Variants in CCR2 observed in about 807,000 individuals in gnomAD.
CCR2 encodes C-C chemokine receptor type 2.
For missense variants in CCR2, 408 were observed against 440.0 expected, an observed-to-expected ratio of 0.93 and a Z score of 0.65; for synonymous variants, 183 against 177.1, an observed-to-expected ratio of 1.03 and a Z score of -0.27.
Position 46,358,858 on chromosome 3 carries a change from C to T in CCR2, c.*248C>T, listed in dbSNP as rs1701501495. On this transcript the variant is annotated 3_prime_UTR_variant, in exon 2 of 2. Coordinates refer to ENST00000445132, the MANE Select transcript of CCR2 (RefSeq NM_001123396.4). Reference sequence around the variant, plus strand: ...TCATCTCAGCTCCTGAAAAATGCCTCATTACCTTGTGCTAATCCTCTTTTT... The same window carrying T: ...TCATCTCAGCTCCTGAAAAATGCCTTATTACCTTGTGCTAATCCTCTTTTT... 1 of 1,265,024 alleles carries T rather than the reference C, an allele frequency of 7.9e-7. No individual in the cohort carries two copies. Among genetic ancestry groups the T allele is most frequent in the South Asian group, 2.3e-5 (1 of 42,780 alleles). The allele number at this position is 1,265,024 out of a possible 1,614,324, so 78.4% of individuals were successfully genotyped here.
intron 1 of CCR2, 47 bp downstream of exon 1, chr3:46,354,224 A>T (rs1163110039): frequency 6.6e-6 from 1 of 152,170 alleles, no homozygotes; most frequent in African/African-American, 2.4e-5. Flanking sequence ...CATAGGCTCA[A>T]CGCACCTCAA....
chr3:46,355,443 C>T (rs1481101121), intron 1 of CCR2, among the ~76,000 whole-genome samples: 6 of 152,054 alleles, frequency 3.9e-5, no homozygotes, highest in Admixed American at 1.3e-4. Context: ...GGAGGTGAGG[C>T]TGAAAAGAGG....
Position 46,359,888 on chromosome 3 carries a change from G to T in CCR2, c.*1278G>T, listed in dbSNP as rs1280991426. 2 of 1,597,686 alleles carry T rather than the reference G, an allele frequency of 1.3e-6. No individual in the cohort carries two copies. The highest frequency in any genetic ancestry group is 8.5e-7 in the Non-Finnish European group (1 of 1,169,836). Reference sequence around the variant, plus strand: ...ACAGAAATGACAGATCTCTGCTTTGGAAATCACACGTCTGGCTTCACAGAT... The same window carrying T: ...ACAGAAATGACAGATCTCTGCTTTGTAAATCACACGTCTGGCTTCACAGAT... On this transcript the variant is annotated 3_prime_UTR_variant, in exon 2 of 2. Coordinates refer to ENST00000445132, the MANE Select transcript of CCR2 (RefSeq NM_001123396.4).
rs765062427 is a variant in CCR2 at position 46,358,634 on chromosome 3, T to C, written c.*24T>C. On this transcript the variant is annotated 3_prime_UTR_variant, in exon 2 of 2. Coordinates refer to ENST00000445132, the MANE Select transcript of CCR2 (RefSeq NM_001123396.4). ...AAAACGAGGAGCAGTTTGATTGTTG[T>C]TTATAAAGGGAGATAACAATCTGTA... is the stretch of plus-strand genomic sequence containing the variant. 4 of 1,548,358 alleles carry C rather than the reference T, an allele frequency of 2.6e-6. No individual in the cohort carries two copies. In the African/African-American group the frequency reaches 5.5e-5, roughly 21 times the overall value.
rs761283584 is a variant in CCR2 at position 46,358,554 on chromosome 3, G to A, written c.1027G>A (p.Val343Met). ...PVFYRETVDGVTSTNTPSTGE... is the reference protein window; with the variant it reads ...PVFYRETVDGMTSTNTPSTGE... ...TTTCTACAGGGAGACAGTGGATGGA[G>A]TGACTTCAACAAACACGCCTTCCAC... The change falls in exon 2 of 2, where the codon GTG (valine) becomes ATG (methionine). Residue 343 changes from valine (V) to methionine (M), a missense_variant. Coordinates refer to ENST00000445132, the MANE Select transcript of CCR2 (RefSeq NM_001123396.4). 4.3e-6 allele frequency: 7 copies of A among 1,609,468 alleles called. No homozygotes were observed. Among genetic ancestry groups the A allele is most frequent in the Admixed American group, 1.7e-5 (1 of 59,240 alleles).
Position 46,358,377 on chromosome 3 carries a change from G to A in CCR2, c.850G>A (p.Asp284Asn). Residue 284 changes from aspartate (D) to asparagine (N), a missense_variant, in exon 2 of 2, where the codon GAC becomes AAC. Transcript: ENST00000445132. ...LSNCESTSQL[D>N]QATQVTETLG... The stretch of plus-strand genomic sequence containing the variant: ...TAACTGTGAAAGCACCAGTCAACTG[G>A]ACCAAGCCACGCAGGTGACAGAGAC... The A allele has an allele frequency of 6.2e-7, 1 of 1,614,078 alleles. No individual in the cohort carries two copies. The highest frequency in any genetic ancestry group is 8.5e-7 in the Non-Finnish European group (1 of 1,180,008).
rs1799864 is a variant in CCR2 at position 46,357,717 on chromosome 3, G to A, written c.190G>A (p.Val64Ile). The change falls in exon 2 of 2, where the codon GTC (valine) becomes ATC (isoleucine). Residue 64 changes from valine to isoleucine, a missense_variant. Physicochemically the swap from Val to Ile is conservative, Grantham distance 29. Transcript: ENST00000445132. Reference sequence around the variant, plus strand: ...TGGTTTTGTGGGCAACATGCTGGTCGTCCTCATCTTAATAAACTGCAAAAA... The same window carrying A: ...TGGTTTTGTGGGCAACATGCTGGTCATCCTCATCTTAATAAACTGCAAAAA... ...IFGFVGNMLVVLILINCKKLK... is the reference protein window; with the variant it reads ...IFGFVGNMLVILILINCKKLK... The A allele has an allele frequency of 0.097, 156,284 of 1,613,940 alleles. 9,257 individuals carry two copies. Among genetic ancestry groups the A allele is most frequent in the East Asian group, 0.24 (10,775 of 44,878 alleles).
rs761015332 is a variant in CCR2, at chr3:46,357,657, C to G, written c.130C>G (p.Leu44Val). 11 of 1,614,020 alleles carry G rather than the reference C, an allele frequency of 6.8e-6. No homozygotes were observed. The highest frequency in any genetic ancestry group is 8.5e-6 in the Non-Finnish European group (10 of 1,180,032). The change falls in exon 2 of 2, where the codon CTC becomes GTC. Residue 44 changes from leucine to valine, a missense_variant. Transcript: ENST00000445132. ...TGACGTGAAGCAAATTGGGGCCCAA[C>G]TCCTGCCTCCGCTCTACTCGCTGGT... The part of the protein sequence containing the change: ...KFDVKQIGAQ[L>V]LPPLYSLVFI...
At position 46,359,509 on chromosome 3, in the gene CCR2, G is replaced by A; in HGVS notation, c.*899G>A. 5 of 977,358 alleles carry A rather than the reference G, an allele frequency of 5.1e-6. No individual in the cohort carries two copies. 60.5% of individuals were successfully genotyped at this position (977,358 alleles called of 1,614,324 possible). A position where few individuals can be genotyped will look rare whatever the true frequency, so the allele number is the denominator to read the frequency against. On this transcript the variant is annotated 3_prime_UTR_variant, in exon 2 of 2. Transcript: ENST00000445132. ...TCCTTCACCAGGAGCAAAGGACGGG[G>A]ATCGTGTGGAACCACTGCAGAACTA...
At position 46,358,157 on chromosome 3, in the gene CCR2, G is replaced by T. The variant is rs761571375; in HGVS notation, c.630G>T (p.Gly210=). Residue 210 remains glycine, a synonymous_variant, in exon 2 of 2, where the codon GGG becomes GGT. Transcript: ENST00000445132. ...NFHTIMRNIL[G]LVLPLLIMVI... ...ACACAATAATGAGGAACATTTTGGG[G>T]CTGGTCCTGCCGCTGCTCATCATGG... 6.2e-7 allele frequency: 1 copy of T among 1,614,120 alleles called. No homozygotes were observed. The highest frequency in any genetic ancestry group is 1.7e-5 in the Admixed American group (1 of 60,020).
At position 46,360,460 on chromosome 3, in the gene CCR2, A is replaced by G. The variant is rs943707674; in HGVS notation, c.*1850A>G. On this transcript the variant is annotated 3_prime_UTR_variant, in exon 2 of 2. Transcript: ENST00000445132. ...GCGTTTAATCACATTCGAGTGTTTCAGTGCTTCGCAGATGTCCTTGATGCT... is the reference window on the plus strand; with the variant it reads ...GCGTTTAATCACATTCGAGTGTTTCGGTGCTTCGCAGATGTCCTTGATGCT... The G allele has an allele frequency of 6.6e-6, 1 of 152,320 alleles. No homozygotes were observed. Among genetic ancestry groups the G allele is most frequent in the African/African-American group, 2.4e-5 (1 of 41,458 alleles). The allele number at this position is 152,320 out of a possible 1,614,324, so 9.4% of individuals were successfully genotyped here. A position where few individuals can be genotyped will look rare whatever the true frequency, so the allele number is the denominator to read the frequency against.
At position 46,358,409 on chromosome 3, in the gene CCR2, GA is replaced by G; in HGVS notation, c.883del (p.Met295Ter). ...CCACGCAGGTGACAGAGACTCTTGG[GA>G]TGACTCACTGCTGCATCAATCCCAT... ...QATQVTETLG[M>X]THCCINPIIY... On this transcript the variant is annotated frameshift_variant, in exon 2 of 2. Transcript: ENST00000445132. LOFTEE classifies it high-confidence loss of function. 1.9e-6 allele frequency: 3 copies of G among 1,614,046 alleles called. No homozygotes were observed. The highest frequency in any genetic ancestry group is 2.5e-6 in the Non-Finnish European group (3 of 1,180,002).
Position 46,357,914 on chromosome 3 carries a change from C to A in CCR2, c.387C>A (p.Phe129Leu), listed in dbSNP as rs763990194. The part of the protein sequence containing the change: ...LYHIGYFGGI[F>L]FIILLTIDRY... The stretch of plus-strand genomic sequence containing the variant: ...ACATCGGTTATTTTGGCGGAATCTT[C>A]TTCATCATCCTCCTGACAATCGATA... The change falls in exon 2 of 2, where the codon TTC (phenylalanine) becomes TTA (leucine). Residue 129 changes from phenylalanine to leucine, a missense_variant. Coordinates refer to ENST00000445132, the MANE Select transcript of CCR2 (RefSeq NM_001123396.4). 1 of 1,614,172 alleles carries A rather than the reference C, an allele frequency of 6.2e-7. No individual in the cohort carries two copies. The highest frequency in any genetic ancestry group is 1.7e-5 in the Admixed American group (1 of 60,024).
chr3:46,358,112 A>C lies in CCR2; in HGVS notation c.585A>C (p.Pro195=). 6.2e-7 allele frequency: 1 copy of C among 1,614,096 alleles called. No individual in the cohort carries two copies. The highest frequency in any genetic ancestry group is 8.5e-7 in the Non-Finnish European group (1 of 1,180,002). Residue 195 remains proline (P), a synonymous_variant, in exon 2 of 2, where the codon CCA becomes CCC. Transcript: ENST00000445132. ...TTTATGTCTGTGGCCCTTATTTTCC[A>C]CGAGGATGGAATAATTTCCACACAA... is the stretch of plus-strand genomic sequence containing the variant. The part of the protein sequence containing the change: ...DSVYVCGPYF[P]RGWNNFHTIM...
chr3:46,358,713 G>T lies in CCR2; in HGVS notation c.*103G>T. ...AACAATAGAAACCTGTAAAGCAGGT[G>T]CCCAGGAACCTCAGGGCTGTGTGTA... On this transcript the variant is annotated 3_prime_UTR_variant, in exon 2 of 2. Transcript: ENST00000445132. The T allele has an allele frequency of 6.8e-7, 1 of 1,470,882 alleles. No homozygotes were observed. 91.1% of individuals were successfully genotyped at this position (1,470,882 alleles called of 1,614,324 possible). A position where few individuals can be genotyped will look rare whatever the true frequency, so the allele number is the denominator to read the frequency against.
rs763822597 is a variant in CCR2, at chr3:46,358,619, G to T, written c.*9G>T. 57 of 1,558,232 alleles carry T rather than the reference G, an allele frequency of 3.7e-5. No individual in the cohort carries two copies. The highest frequency in any genetic ancestry group is 1.2e-4 in the Admixed American group (6 of 51,266). On this transcript the variant is annotated 3_prime_UTR_variant, in exon 2 of 2. Coordinates refer to ENST00000445132, the MANE Select transcript of CCR2 (RefSeq NM_001123396.4). ...TCTCGGCTGGTTTATAAAACGAGGA[G>T]CAGTTTGATTGTTGTTTATAAAGGG...
Position 46,356,690 on chromosome 3 carries a change from C to T in CCR2, c.-51-787C>T, listed in dbSNP as rs3918380. Among the ~76,000 whole-genome samples the T allele has an allele frequency of 1.9e-3, 288 of 152,112 alleles. 1 individual carries two copies. The highest frequency in any genetic ancestry group is 6.8e-3 in the African/African-American group (281 of 41,470). ...CTCCCAGCAATTTGAGAGGCCAAGG[C>T]GGGTGCATCAGGAGGTCAAGAGACC... On this transcript the variant is annotated intron_variant, in intron 1 of 1. Coordinates refer to ENST00000445132, the MANE Select transcript of CCR2 (RefSeq NM_001123396.4).
rs765628418 is a variant in CCR2, at chr3:46,359,045, T to C, written c.*435T>C. On this transcript the variant is annotated 3_prime_UTR_variant, in exon 2 of 2. Coordinates refer to ENST00000445132, the MANE Select transcript of CCR2 (RefSeq NM_001123396.4). ...AGAAGGAGGGAGACATGAGCATGGC[T>C]GAGCCTGGACAAAGACAAAGGTGAG... 2.0e-6 allele frequency: 2 copies of C among 1,019,882 alleles called. No homozygotes were observed. Among genetic ancestry groups the C allele is most frequent in the Non-Finnish European group, 2.4e-6 (2 of 841,596 alleles). 63.2% of individuals were successfully genotyped at this position (1,019,882 alleles called of 1,614,324 possible). A position where few individuals can be genotyped will look rare whatever the true frequency, so the allele number is the denominator to read the frequency against.
chr3:46,359,062 A>T lies in CCR2; in HGVS notation c.*452A>T, dbSNP rs112118975. The T allele has an allele frequency of 9.8e-7, 1 of 1,015,350 alleles. No homozygotes were observed. The highest frequency in any genetic ancestry group is 1.7e-5 in the African/African-American group (1 of 57,372). The allele number at this position is 1,015,350 out of a possible 1,614,324, so 62.9% of individuals were successfully genotyped here. On this transcript the variant is annotated 3_prime_UTR_variant, in exon 2 of 2. Transcript: ENST00000445132. Reference sequence around the variant, plus strand: ...AGCATGGCTGAGCCTGGACAAAGACAAAGGTGAGCAAAGGGCTCACGCATT... The same window carrying T: ...AGCATGGCTGAGCCTGGACAAAGACTAAGGTGAGCAAAGGGCTCACGCATT...
Sources: allele counts gnomAD v4.1 joint callset (sites outside exome capture counted in the v4.1 genomes callset), GRCh38; gene constraint gnomAD v4.1.1; transcripts MANE v1.5; gene names NCBI Gene and HGNC (gene_info 2026-07-23, HGNC 2026-07-21).